Variants in NIPBL observed in about 807,000 individuals in gnomAD.
The protein encoded by NIPBL is NIPBL cohesin loading factor, also known as nipped-B-like protein.
NIPBL carries 19 observed loss-of-function variants against 321.8 expected under a neutral mutation model. The observed-to-expected ratio is 0.06, with a 90% CI of 0.04 to 0.09. NIPBL has a LOEUF of 0.09. Ranked by LOEUF, NIPBL falls within the 10% of genes least tolerant of loss-of-function variation. The probability of loss-of-function intolerance (pLI) is 1.00; values close to 1 mark genes in which losing one functional copy is unlikely to be tolerated. For synonymous variants in NIPBL, 1,106 were observed against 1,114.1 expected, an observed-to-expected ratio of 0.99 and a Z score of 0.14; for missense variants, 2,210 against 3,327.0, an observed-to-expected ratio of 0.66 and a Z score of 8.26.
intron 1 of NIPBL, among the ~76,000 whole-genome samples, chr5:36,934,201 T>A (rs1455698430): frequency 6.6e-6 from 1 of 152,148 alleles, no homozygotes; most frequent in African/African-American, 2.4e-5. Flanking sequence ...ATATTTTATT[T>A]CAACCTGGTA....
chr5:36,986,805 CT>C (rs1156290701), intron 10 of NIPBL, among the ~76,000 whole-genome samples: 1 of 151,986 alleles, frequency 6.6e-6, no homozygotes, highest in Non-Finnish European at 1.5e-5. Context: ...TAAAACATAT[CT>C]TTTTGTCCTT....
At chr5:37,043,047 T>A (rs968143439) in intron 34 of NIPBL, among the ~76,000 whole-genome samples, 1 of 152,136 alleles carries the variant, frequency 6.6e-6, no homozygotes, top group Non-Finnish European at 1.5e-5. Context: ...CCTGTTTTTT[T>A]AAACATGCTT....
intron 1 of NIPBL, among the ~76,000 whole-genome samples, chr5:36,916,441 A>G (rs1455925999): frequency 1.3e-5 from 2 of 152,212 alleles, no homozygotes; most frequent in African/African-American, 4.8e-5. Context: ...TACTAAAACC[A>G]CGGAAGTGCC....
intron 1 of NIPBL, among the ~76,000 whole-genome samples, chr5:36,946,017 G>T (rs1007751338): frequency 2.0e-5 from 3 of 151,906 alleles, no homozygotes; most frequent in Non-Finnish European, 1.5e-5. Flanking sequence ...TTCCTAAAAG[G>T]ATTTTAGGTG....
chr5:36,885,860 G>A (rs913884247), intron 1 of NIPBL: 7 of 718,696 alleles, frequency 9.7e-6, no homozygotes, highest in Non-Finnish European at 1.8e-5. Context: ...CCACGAAGAG[G>A]AAGTAAAAGG....
intron 10 of NIPBL, among the ~76,000 whole-genome samples, chr5:36,987,348 A>G (rs1357894449): frequency 1.3e-5 from 2 of 152,182 alleles, no homozygotes; most frequent in African/African-American, 4.8e-5. Context: ...TTTTTTGGCT[A>G]TTTAAATTTA....
chr5:37,038,761 C>G, intron 34 of NIPBL, 23 bp downstream of exon 34: 1 of 1,609,456 alleles, frequency 6.2e-7, no homozygotes, highest in Non-Finnish European at 8.5e-7. Context: ...CTGTCTTATT[C>G]TTGTATCTTA....
intron 1 of NIPBL, among the ~76,000 whole-genome samples, chr5:36,951,206 C>A (rs184911619): frequency 7.2e-5 from 11 of 152,212 alleles, no homozygotes; most frequent in East Asian, 5.8e-4. Context: ...TCTTCTAGTT[C>A]ATACATGGGT....
intron 32 of NIPBL, among the ~76,000 whole-genome samples, chr5:37,034,154 A>G (rs1751437355): frequency 6.6e-6 from 1 of 152,160 alleles, no homozygotes; most frequent in South Asian, 2.1e-4. Flanking sequence ...CCCCATTAGT[A>G]AAGTAAGAAA....
intron 42 of NIPBL, among the ~76,000 whole-genome samples, chr5:37,053,860 C>T (rs1452167061): frequency 6.6e-6 from 1 of 152,096 alleles, no homozygotes; most frequent in African/African-American, 2.4e-5. Context: ...ATGGTTTCTG[C>T]CCACACAGAG....
At chr5:36,954,506 T>C (rs1465045972) in intron 2 of NIPBL, among the ~76,000 whole-genome samples, 1 of 152,166 alleles carries the variant, frequency 6.6e-6, no homozygotes, top group East Asian at 1.9e-4. Context: ...ATTACTCAGG[T>C]AAGAAAACTT....
In NIPBL at chr5:37,051,843, A is replaced by T. The variant is rs537134096; in HGVS notation, c.7019A>T (p.Gln2340Leu). The T allele has an allele frequency of 1.2e-6, 2 of 1,614,078 alleles. No individual in the cohort carries two copies. The highest frequency in any genetic ancestry group is 2.7e-5 in the African/African-American group (2 of 75,060). The change falls in exon 41 of 47, where the codon CAG becomes CTG. Residue 2340 changes from glutamine (Q) to leucine (L), a missense_variant. This residue lies in a region of NIPBL where 112 missense variants were observed against 288.3 expected (regional missense o/e 0.39). Coordinates refer to ENST00000282516, the MANE Select transcript of NIPBL (RefSeq NM_133433.4). ...PEPAMRNKADQQLVEIDKKYA... is the reference protein window; with the variant it reads ...PEPAMRNKADLQLVEIDKKYA... The stretch of plus-strand genomic sequence containing the variant: ...CCTGCTATGCGGAACAAGGCTGATC[A>T]GCAACTTGTGGAAATAGACAAAAAA...
chr5:37,029,242 C>T (rs528846039), intron 32 of NIPBL, among the ~76,000 whole-genome samples: 35 of 152,272 alleles, frequency 2.3e-4, no homozygotes, highest in African/African-American at 8.4e-4. Flanking sequence ...GCAGTTGATC[C>T]TCTCTTCCTG....
intron 1 of NIPBL, among the ~76,000 whole-genome samples, chr5:36,896,146 C>T (rs1462340404): frequency 2.6e-5 from 4 of 152,156 alleles, no homozygotes; most frequent in South Asian, 2.1e-4. Context: ...TTATTATGTA[C>T]GTGTTTATCC....
chr5:37,008,069 C>T lies in NIPBL; in HGVS notation c.4301C>T (p.Ala1434Val). The change falls in exon 19 of 47, where the codon GCC becomes GTC. Residue 1434 changes from alanine to valine, a missense_variant. Around this residue, in one of 14 missense-constraint regions of NIPBL, gnomAD observed 381 missense variants for 642.3 expected, o/e 0.59. Coordinates refer to ENST00000282516, the MANE Select transcript of NIPBL (RefSeq NM_133433.4). ...AATGTCAGTGAACTACAGTTGTGTG[C>T]CATTAAGTTAGTCACTGCAGTAAGT... ...VENVSELQLC[A>V]IKLVTAVFSR... is the part of the protein sequence containing the mutation. 1 of 1,607,062 alleles carries T rather than the reference C, an allele frequency of 6.2e-7. No homozygotes were observed. The highest frequency in any genetic ancestry group is 8.5e-7 in the Non-Finnish European group (1 of 1,174,036).
chr5:36,876,805 G>C lies in NIPBL; in HGVS notation c.-453G>C, dbSNP rs1013684651. On this transcript the variant is annotated 5_prime_UTR_variant, in exon 1 of 47. Transcript: ENST00000282516. ...AGAGGGAGAGACGGAACGAGAGAGA[G>C]ACACACACAGGGCTCCTTCCCCCCG... 21 of 397,500 alleles carry C rather than the reference G, an allele frequency of 5.3e-5. No homozygotes were observed. The highest frequency in any genetic ancestry group is 3.6e-5 in the East Asian group (1 of 27,896). The allele number at this position is 397,500 out of a possible 1,614,324, so 24.6% of individuals were successfully genotyped here.
chr5:36,992,090 A>G (rs1745591970), intron 10 of NIPBL, among the ~76,000 whole-genome samples: 1 of 152,188 alleles, frequency 6.6e-6, no homozygotes, highest in African/African-American at 2.4e-5. Context: ...TATTAAAGCC[A>G]GAGTATAGAG....
intron 1 of NIPBL, among the ~76,000 whole-genome samples, chr5:36,882,886 A>T (rs158795): frequency 0.26 from 38,048 of 148,302 alleles, 5,393 homozygotes; most frequent in East Asian, 0.39. Flanking sequence ...CTTTTTTTTT[A>T]AAAAAAAAAC....
At chr5:36,942,993 GT>G (rs915975823) in intron 1 of NIPBL, among the ~76,000 whole-genome samples, 4 of 151,642 alleles carry the variant, frequency 2.6e-5, no homozygotes, top group Non-Finnish European at 5.9e-5. Flanking sequence ...GTAATCTTTA[GT>G]TAAAAAAAAA....
Sources: allele counts gnomAD v4.1 joint callset (sites outside exome capture counted in the v4.1 genomes callset), GRCh38; gene constraint gnomAD v4.1.1; regional missense constraint gnomAD v4.1.1; transcripts MANE v1.5; gene names NCBI Gene and HGNC (gene_info 2026-07-23, HGNC 2026-07-21).